Variants in LSAMP observed in about 807,000 individuals in gnomAD.
LSAMP encodes limbic system associated membrane protein.
In LSAMP, 7 loss-of-function variants were observed where a neutral mutation model predicts 38.6. That is an observed-to-expected ratio of 0.18 (90% CI 0.10 to 0.34). LSAMP has a LOEUF of 0.34. Among genes scored for constraint, LSAMP ranks in the 10% least tolerant of loss-of-function variants. The probability of loss-of-function intolerance (pLI) is 1.00; values close to 1 mark genes in which losing one functional copy is unlikely to be tolerated. For missense variants in LSAMP, 313 were observed against 420.0 expected (o/e 0.75, Z 2.23); for synonymous variants, 154 against 166.8 (o/e 0.92, Z 0.59).
intron 2 of LSAMP, among the ~76,000 whole-genome samples, chr3:116,029,353 T>A (rs1940865612): frequency 6.6e-6 from 1 of 152,116 alleles, no homozygotes; most frequent in African/African-American, 2.4e-5. Context: ...AGACACAAAT[T>A]TCATGGGAAA....
chr3:116,391,236 CAGTAGCGGCAGG>C (rs1428325913), intron 1 of LSAMP, among the ~76,000 whole-genome samples: 6 of 151,384 alleles, frequency 4.0e-5, no homozygotes, highest in Non-Finnish European at 8.8e-5. Flanking sequence ...ATCGCGCTGG[CAGTAGCGGCAGG>C]AGCAGCTGCG....
At chr3:116,277,079 T>C (rs527985483) in intron 1 of LSAMP, among the ~76,000 whole-genome samples, 1 of 152,320 alleles carries the variant, frequency 6.6e-6, no homozygotes, top group East Asian at 1.9e-4. Flanking sequence ...CATGCATCAA[T>C]GGATACCTGA....
In LSAMP at chr3:116,414,709, T is replaced by C. The variant is rs186574310; in HGVS notation, c.155+30168A>G. Among the ~76,000 whole-genome samples the C allele has an allele frequency of 2.6e-3, 395 of 152,302 alleles. 1 individual carries two copies. Among genetic ancestry groups the C allele is most frequent in the Non-Finnish European group, 3.4e-3 (228 of 67,994 alleles). On this transcript the variant is annotated intron_variant, in intron 1 of 6. Coordinates refer to ENST00000490035, the MANE Select transcript of LSAMP (RefSeq NM_002338.5). ...TTGAACACTTTTTCTATTTGTCTCATGGAATATCAGTGAGTTCTGTGATTT... is the reference window on the plus strand; with the variant it reads ...TTGAACACTTTTTCTATTTGTCTCACGGAATATCAGTGAGTTCTGTGATTT...
chr3:116,271,221 A>G (rs1222039939), intron 1 of LSAMP, among the ~76,000 whole-genome samples: 3 of 152,088 alleles, frequency 2.0e-5, no homozygotes, highest in Non-Finnish European at 4.4e-5. Flanking sequence ...TCATGCTACC[A>G]TTACTGTAAT....
chr3:116,138,104 A>C (rs1355004045), intron 1 of LSAMP, among the ~76,000 whole-genome samples: 1 of 152,136 alleles, frequency 6.6e-6, no homozygotes, highest in Non-Finnish European at 1.5e-5. Flanking sequence ...TTGAGATTCC[A>C]TATTTCTCAC....
chr3:115,852,456 G>C, intron 4 of LSAMP, 27 bp downstream of exon 4: 2 of 1,591,070 alleles, frequency 1.3e-6, no homozygotes, highest in Non-Finnish European at 1.7e-6. Flanking sequence ...TGGGCACCTA[G>C]CACCTGCTGG....
chr3:116,003,515 G>A (rs1236634657), intron 3 of LSAMP, among the ~76,000 whole-genome samples: 2 of 152,088 alleles, frequency 1.3e-5, no homozygotes, highest in Admixed American at 1.3e-4. Flanking sequence ...ATTGTAGTAG[G>A]TTGAATAGTG....
At chr3:116,161,843 G>C (rs1709893600) in intron 1 of LSAMP, among the ~76,000 whole-genome samples, 1 of 152,084 alleles carries the variant, frequency 6.6e-6, no homozygotes, top group Non-Finnish European at 1.5e-5. Context: ...CATATTCATT[G>C]GATCTGTGCT....
intron 4 of LSAMP, among the ~76,000 whole-genome samples, chr3:115,843,052 C>T (rs1935044431): frequency 6.6e-6 from 1 of 152,178 alleles, no homozygotes; most frequent in South Asian, 2.1e-4. Context: ...TAAAGCCTTT[C>T]CAACCCAAGT....
intron 1 of LSAMP, among the ~76,000 whole-genome samples, chr3:116,184,626 G>A (rs1576418108): frequency 1.3e-5 from 2 of 151,904 alleles, no homozygotes; most frequent in East Asian, 1.9e-4. Context: ...TTGTGTTGCA[G>A]GTACCTGCAG....
rs113390405 is a variant in LSAMP, at chr3:115,852,318, A to G, written c.649+165T>C. Among the ~76,000 whole-genome samples, 758 of 152,328 alleles carry G rather than the reference A, an allele frequency of 5.0e-3. 7 individuals carry two copies. Among genetic ancestry groups the G allele is most frequent in the African/African-American group, 0.016 (677 of 41,564 alleles). ...TAGAGTTGATTTACCAAATTCAAAG[A>G]CCAAGTCCTGCCCTTGGATGTGTTC... On this transcript the variant is annotated intron_variant, in intron 4 of 6. Transcript: ENST00000490035.
intron 3 of LSAMP, among the ~76,000 whole-genome samples, chr3:116,006,255 C>G (rs1940156894): frequency 6.6e-6 from 1 of 152,040 alleles, no homozygotes; most frequent in Non-Finnish European, 1.5e-5. Flanking sequence ...AGAGAGTTTG[C>G]TCACTGTCTC....
intron 3 of LSAMP, among the ~76,000 whole-genome samples, chr3:115,988,783 C>T (rs978941958): frequency 2.6e-5 from 4 of 152,158 alleles, no homozygotes; most frequent in African/African-American, 9.6e-5. Context: ...ATTTTCTAAG[C>T]GTTGTTCTTT....
chr3:116,307,107 T>C (rs917416936), intron 1 of LSAMP, among the ~76,000 whole-genome samples: 13 of 152,054 alleles, frequency 8.5e-5, no homozygotes, highest in Non-Finnish European at 1.5e-4. Context: ...TGAAGCTTAA[T>C]ACTTTAAATT....
chr3:116,173,301 T>C (rs188315676), intron 1 of LSAMP, among the ~76,000 whole-genome samples: 19 of 152,190 alleles, frequency 1.2e-4, no homozygotes, highest in Admixed American at 9.8e-4. Context: ...TAAATCCCAC[T>C]ACATTTGTTT....
chr3:115,932,210 A>C lies in LSAMP; in HGVS notation c.515-79593T>G, dbSNP rs375110675. On this transcript the variant is annotated intron_variant, in intron 3 of 6. Coordinates refer to ENST00000490035, the MANE Select transcript of LSAMP (RefSeq NM_002338.5). The stretch of plus-strand genomic sequence containing the variant: ...AAGAACTTATAAGAAAGATACAATG[A>C]CTGTTCCCATATTATAGATACTGAA... Among the ~76,000 whole-genome samples the C allele has an allele frequency of 3.3e-5, 5 of 152,170 alleles. No individual in the cohort carries two copies. In the East Asian group the frequency reaches 5.8e-4, roughly 18 times the overall value.
At chr3:116,270,825 A>G (rs1421261060) in intron 1 of LSAMP, among the ~76,000 whole-genome samples, 4 of 152,148 alleles carry the variant, frequency 2.6e-5, no homozygotes, top group South Asian at 2.1e-4. Context: ...TCCCACTTGA[A>G]TAATTATATA....
intron 1 of LSAMP, among the ~76,000 whole-genome samples, chr3:116,188,755 A>G (rs1239372911): frequency 1.3e-5 from 2 of 152,194 alleles, no homozygotes; most frequent in Non-Finnish European, 2.9e-5. Flanking sequence ...GAATGGGGGA[A>G]TTCAAAAGTA....
At chr3:116,175,930 T>C (rs185047262) in intron 1 of LSAMP, among the ~76,000 whole-genome samples, 118 of 152,278 alleles carry the variant, frequency 7.7e-4, no homozygotes, top group African/African-American at 2.8e-3. Flanking sequence ...GGCAAACTTA[T>C]TTTTCTGTTT....
Sources: allele counts gnomAD v4.1 joint callset (sites outside exome capture counted in the v4.1 genomes callset), GRCh38; gene constraint gnomAD v4.1.1; transcripts MANE v1.5; gene names NCBI Gene and HGNC (gene_info 2026-07-23, HGNC 2026-07-21).